Variants in BOD1 observed in about 807,000 individuals in gnomAD.
BOD1 encodes biorientation of chromosomes in cell division 1.
In BOD1, 11 loss-of-function variants were observed where a neutral mutation model predicts 15.7. The ratio of observed to expected loss-of-function variants is 0.70; its 90% CI spans 0.44 to 1.16. BOD1 has a LOEUF of 1.16. Among genes scored for constraint, BOD1 ranks in the 50% most tolerant of loss-of-function variants. BOD1 has a pLI of 0.00. For missense variants in BOD1, 182 were observed against 244.5 expected (o/e 0.74, Z 1.70); for synonymous variants, 105 against 103.5 (o/e 1.01, Z -0.09).
intron 1 of BOD1, among the ~76,000 whole-genome samples, 156 bp from the exon 2 acceptor site, chr5:173,613,411 T>C (rs888406662): frequency 2.0e-5 from 3 of 152,184 alleles, no homozygotes; most frequent in Non-Finnish European, 4.4e-5. Context: ...AGTCAGGAAT[T>C]AATGGTTAAC....
intron 2 of BOD1, 90 bp downstream of exon 2, chr5:173,613,041 T>A: frequency 6.8e-7 from 1 of 1,475,052 alleles, no homozygotes; most frequent in Non-Finnish European, 9.2e-7. Context: ...TAAAGTCCCA[T>A]CAACCTTGAC....
chr5:173,608,489 C>T lies in BOD1; in HGVS notation c.*2-197G>A, dbSNP rs74704266. Among the ~76,000 whole-genome samples, 29 of 152,284 alleles carry T rather than the reference C, an allele frequency of 1.9e-4. No homozygotes were observed. The East Asian group carries it at 4.0e-3, about 21-fold the overall frequency. ...ATGCTCTTGCGTTGCTCATCACTGA[C>T]ACTCAAAACGCCCTAGTCAATTCAC... On this transcript the variant is annotated intron_variant, in intron 3 of 3. Coordinates refer to ENST00000311086, the MANE Select transcript of BOD1 (RefSeq NM_138369.3).
In BOD1 at chr5:173,608,203, T is replaced by G; in HGVS notation, c.*91A>C. On this transcript the variant is annotated 3_prime_UTR_variant, in exon 4 of 4. Coordinates refer to ENST00000311086, the MANE Select transcript of BOD1 (RefSeq NM_138369.3). ...TGAAATCTTGAGATCAGTGACGACC[T>G]TGGCCTATCTTCAGTCTGAAGTTGC... is the stretch of plus-strand genomic sequence containing the variant. 6.8e-7 allele frequency: 1 copy of G among 1,470,748 alleles called. No homozygotes were observed. Among genetic ancestry groups the G allele is most frequent in the Non-Finnish European group, 9.5e-7 (1 of 1,049,488 alleles). 91.1% of individuals were successfully genotyped at this position (1,470,748 alleles called of 1,614,324 possible). A position where few individuals can be genotyped will look rare whatever the true frequency, so the allele number is the denominator to read the frequency against.
chr5:173,608,140 G>A lies in BOD1; in HGVS notation c.*154C>T. 1 of 890,462 alleles carries A rather than the reference G, an allele frequency of 1.1e-6. No homozygotes were observed. The highest frequency in any genetic ancestry group is 1.8e-6 in the Non-Finnish European group (1 of 541,118). The allele number at this position is 890,462 out of a possible 1,614,324, so 55.2% of individuals were successfully genotyped here. A position where few individuals can be genotyped will look rare whatever the true frequency, so the allele number is the denominator to read the frequency against. On this transcript the variant is annotated 3_prime_UTR_variant, in exon 4 of 4. Transcript: ENST00000311086. ...GGTCAACTCTCCCACTGCCGAACTT[G>A]CTCCCCTTTCAATCTGGTCACTGCC...
chr5:173,608,138 T>G lies in BOD1; in HGVS notation c.*156A>C, dbSNP rs1432603514. On this transcript the variant is annotated 3_prime_UTR_variant, in exon 4 of 4. Transcript: ENST00000311086. ...ACGGTCAACTCTCCCACTGCCGAAC[T>G]TGCTCCCCTTTCAATCTGGTCACTG... is the stretch of plus-strand genomic sequence containing the variant. The G allele has an allele frequency of 6.8e-6, 6 of 881,014 alleles. No homozygotes were observed. Among genetic ancestry groups the G allele is most frequent in the Non-Finnish European group, 1.1e-5 (6 of 533,628 alleles). The allele number at this position is 881,014 out of a possible 1,614,324, so 54.6% of individuals were successfully genotyped here. A position where few individuals can be genotyped will look rare whatever the true frequency, so the allele number is the denominator to read the frequency against.
chr5:173,613,309 G>A, intron 1 of BOD1, 54 bp from the exon 2 acceptor site: 9 of 1,603,716 alleles, frequency 5.6e-6, no homozygotes, highest in Non-Finnish European at 7.7e-6. Context: ...CCAAAGTTTT[G>A]AACTTAGTCT....
At position 173,608,360 on chromosome 5, in the gene BOD1, C is replaced by T. The variant is rs370889599; in HGVS notation, c.*2-68G>A. 17 of 1,205,928 alleles carry T rather than the reference C, an allele frequency of 1.4e-5. No individual in the cohort carries two copies. The African/African-American group carries it at 1.5e-4, about 11-fold the overall frequency. The allele number at this position is 1,205,928 out of a possible 1,614,324, so 74.7% of individuals were successfully genotyped here. A position where few individuals can be genotyped will look rare whatever the true frequency, so the allele number is the denominator to read the frequency against. ...AACAGACTATATTCACTTTTATGTT[C>T]CTAAAGGAATTTACAATTAAAAAGA... On this transcript the variant is annotated intron_variant, in intron 3 of 3. Coordinates refer to ENST00000311086, the MANE Select transcript of BOD1 (RefSeq NM_138369.3).
intron 2 of BOD1, chr5:173,609,735 A>G (rs1755298780): frequency 3.1e-6 from 1 of 318,992 alleles, no homozygotes; most frequent in Admixed American, 4.5e-5. Flanking sequence ...AAATGACAGC[A>G]TGGTGAGAAA....
At position 173,616,426 on chromosome 5, in the gene BOD1, C is replaced by G. The variant is rs768712520; in HGVS notation, c.11G>C (p.Gly4Ala). Residue 4 changes from glycine (G) to alanine (A), a missense_variant, in exon 1 of 4, where the codon GGC becomes GCC. By Grantham distance (60) the Gly-to-Ala change is moderately conservative (BLOSUM62 0). Coordinates refer to ENST00000311086, the MANE Select transcript of BOD1 (RefSeq NM_138369.3). ...CGCGCCAGTTCCCCCGCCGCCGCCG[C>G]CGTCCGCCATGGCTGCGCCCCGGGC... The part of the protein sequence containing the change: MAD[G>A]GGGGGTGAVG... The G allele has an allele frequency of 1.3e-6, 2 of 1,548,632 alleles. No individual in the cohort carries two copies. Among genetic ancestry groups the G allele is most frequent in the South Asian group, 2.3e-5 (2 of 85,730 alleles).
chr5:173,609,905 C>T (rs1022048854), intron 2 of BOD1, among the ~76,000 whole-genome samples: 8 of 152,300 alleles, frequency 5.3e-5, no homozygotes, highest in Middle Eastern at 3.4e-3. Context: ...TAAACAAGGC[C>T]GATCAGTCAG....
intron 2 of BOD1, 41 bp from the exon 3 acceptor site, chr5:173,609,475 C>T (rs755022746): frequency 1.0e-5 from 13 of 1,278,986 alleles, no homozygotes; most frequent in African/African-American, 4.7e-5. Context: ...TTAGTTCCTT[C>T]GGGATTCATC....
chr5:173,608,141 C>T lies in BOD1; in HGVS notation c.*153G>A, dbSNP rs1272554940. On this transcript the variant is annotated 3_prime_UTR_variant, in exon 4 of 4. Transcript: ENST00000311086. ...GTCAACTCTCCCACTGCCGAACTTG[C>T]TCCCCTTTCAATCTGGTCACTGCCC... 6 of 909,914 alleles carry T rather than the reference C, an allele frequency of 6.6e-6. No individual in the cohort carries two copies. The highest frequency in any genetic ancestry group is 9.0e-6 in the Non-Finnish European group (5 of 558,200). The allele number at this position is 909,914 out of a possible 1,614,324, so 56.4% of individuals were successfully genotyped here.
In BOD1 at chr5:173,616,050, G is replaced by C. The variant is rs1755487097; in HGVS notation, c.237+150C>G. 1.7e-5 allele frequency: 16 copies of C among 954,496 alleles called. No homozygotes were observed. In the South Asian group the frequency reaches 2.7e-4, roughly 16 times the overall value. The allele number at this position is 954,496 out of a possible 1,614,324, so 59.1% of individuals were successfully genotyped here. A position where few individuals can be genotyped will look rare whatever the true frequency, so the allele number is the denominator to read the frequency against. ...AACCCACGTGTGCATCGCTCAGAAA[G>C]CTCTCCGTACTGCCCCAAGCGGTGT... On this transcript the variant is annotated intron_variant, in intron 1 of 3. Transcript: ENST00000311086.
At chr5:173,613,390 T>C (rs1581245146) in intron 1 of BOD1, 135 bp from the exon 2 acceptor site, 3 of 1,067,022 alleles carry the variant, frequency 2.8e-6, no homozygotes, top group Admixed American at 4.5e-5. Context: ...AAGATCACCA[T>C]GCAATGTGGC....
chr5:173,609,290 A>G lies in BOD1; in HGVS notation c.507T>C (p.Pro169=). Residue 169 remains proline (P), a synonymous_variant, in exon 3 of 4, where the codon CCT becomes CCC. Transcript: ENST00000311086. ...AQKKAAVPAP[P]PEPEGQDPPA... ...GAGGGTCCTGGCCTTCGGGCTCTGG[A>G]GGGGGTGCTGGCACAGCTGCTTTTT... 1.2e-6 allele frequency: 2 copies of G among 1,614,166 alleles called. No homozygotes were observed. Among genetic ancestry groups the G allele is most frequent in the Non-Finnish European group, 1.7e-6 (2 of 1,180,038 alleles).
At chr5:173,611,002 T>C (rs1755335789) in intron 2 of BOD1, among the ~76,000 whole-genome samples, 3 of 152,332 alleles carry the variant, frequency 2.0e-5, no homozygotes, top group African/African-American at 7.2e-5. Context: ...CTTGGACTTC[T>C]AGCCTCCAGA....
chr5:173,607,867 A>T lies in BOD1; in HGVS notation c.*427T>A, dbSNP rs573992285. 161 of 183,078 alleles carry T rather than the reference A, an allele frequency of 8.8e-4. No homozygotes were observed. The highest frequency in any genetic ancestry group is 1.4e-3 in the Non-Finnish European group (123 of 87,214). 11.3% of individuals were successfully genotyped at this position (183,078 alleles called of 1,614,324 possible). A position where few individuals can be genotyped will look rare whatever the true frequency, so the allele number is the denominator to read the frequency against. On this transcript the variant is annotated 3_prime_UTR_variant, in exon 4 of 4. Transcript: ENST00000311086. ...TATCAAATAAGCACTGTCAAAGACTACTCCCAGCTAATCTTTACTGTCATT... is the reference window on the plus strand; with the variant it reads ...TATCAAATAAGCACTGTCAAAGACTTCTCCCAGCTAATCTTTACTGTCATT...
intron 2 of BOD1, among the ~76,000 whole-genome samples, chr5:173,612,648 C>G (rs928030984): frequency 1.3e-5 from 2 of 152,236 alleles, no homozygotes; most frequent in African/African-American, 2.4e-5. Context: ...CAGTTTGTTA[C>G]TGTGAAGTAC....
At chr5:173,615,523 T>A (rs1294000886) in intron 1 of BOD1, among the ~76,000 whole-genome samples, 2 of 152,192 alleles carry the variant, frequency 1.3e-5, no homozygotes, top group Non-Finnish European at 2.9e-5. Context: ...AAAATGAACA[T>A]TCCAGCAACT....
Sources: gnomAD v4.1 joint callset for allele counts (sites outside exome capture counted in the v4.1 genomes callset) on GRCh38, gnomAD v4.1.1 for gene constraint, MANE v1.5 for transcripts, NCBI Gene and HGNC (gene_info 2026-07-23, HGNC 2026-07-21) for gene names.